RNF180: variants seen among roughly 807,000 people sequenced by gnomAD.
RNF180 encodes ring finger protein 180, also known as E3 ubiquitin-protein ligase RNF180.
Under a neutral mutation model 59.2 loss-of-function variants are expected in RNF180, and 38 were observed. The ratio of observed to expected loss-of-function variants is 0.64; its 90% CI spans 0.50 to 0.84. The LOEUF (loss-of-function observed/expected upper bound fraction) is 0.84. Ranked by LOEUF, RNF180 falls within the 40% of genes least tolerant of loss-of-function variation. The probability of loss-of-function intolerance (pLI) is 0.00; values close to 1 mark genes in which losing one functional copy is unlikely to be tolerated. For missense variants in RNF180, 705 were observed against 700.9 expected (o/e 1.01, Z -0.07); for synonymous variants, 262 against 240.3 (o/e 1.09, Z -0.84).
At chr5:64,218,362 AGTT>A (rs1752745208) in intron 5 of RNF180, among the ~76,000 whole-genome samples, 1 of 152,192 alleles carries the variant, frequency 6.6e-6, no homozygotes, top group Admixed American at 6.5e-5. Context: ...TTTCAGCACC[AGTT>A]GTTGAAAACA....
At chr5:64,226,073 AGTG>A (rs1434702438) in intron 5 of RNF180, among the ~76,000 whole-genome samples, 10 of 139,914 alleles carry the variant, frequency 7.1e-5, no homozygotes, top group South Asian at 4.7e-4. Flanking sequence ...CCATCTGGGA[AGTG>A]AGGAGCGCCT....
intron 5 of RNF180, among the ~76,000 whole-genome samples, chr5:64,256,505 T>C (rs1255148043): frequency 6.6e-6 from 1 of 152,186 alleles, no homozygotes; most frequent in African/African-American, 2.4e-5. Flanking sequence ...AAAGATCAGA[T>C]GGTTGTAGGT....
chr5:64,199,498 T>C (rs1158067223), intron 1 of RNF180, among the ~76,000 whole-genome samples: 1 of 152,214 alleles, frequency 6.6e-6, no homozygotes, highest in Non-Finnish European at 1.5e-5. Flanking sequence ...ACTGTTCTTT[T>C]AAAGCTTCCC....
At chr5:64,247,610 G>A (rs1477609709) in intron 5 of RNF180, among the ~76,000 whole-genome samples, 1 of 152,144 alleles carries the variant, frequency 6.6e-6, no homozygotes, top group Non-Finnish European at 1.5e-5. Flanking sequence ...ACATAAGAGA[G>A]GACACAAACA....
chr5:64,319,166 CTGT>C (rs964122637), intron 5 of RNF180, among the ~76,000 whole-genome samples: 22 of 143,176 alleles, frequency 1.5e-4, no homozygotes, highest in Non-Finnish European at 2.9e-4. Flanking sequence ...GAACCTAAAA[CTGT>C]TGTTTAAAAA....
At chr5:64,311,453 T>C (rs142225990) in intron 5 of RNF180, among the ~76,000 whole-genome samples, 1 of 151,642 alleles carries the variant, frequency 6.6e-6, no homozygotes, top group Non-Finnish European at 1.5e-5. Flanking sequence ...GGAAAAAAAA[T>C]AGATGGAGAT....
intron 5 of RNF180, among the ~76,000 whole-genome samples, chr5:64,268,411 GA>G (rs1348467337): frequency 4.6e-5 from 7 of 151,944 alleles, no homozygotes; most frequent in Non-Finnish European, 4.4e-5. Context: ...TCAAATAAAT[GA>G]AAAAGAGATA....
chr5:64,365,657 G>C (rs1316983327), intron 7 of RNF180, among the ~76,000 whole-genome samples: 1 of 151,418 alleles, frequency 6.6e-6, no homozygotes, highest in African/African-American at 2.4e-5. Context: ...TATGAATCTG[G>C]GTGCTCTTGT....
intron 5 of RNF180, among the ~76,000 whole-genome samples, chr5:64,239,343 G>T (rs1351536386): frequency 6.6e-6 from 1 of 152,042 alleles, no homozygotes. Context: ...GAGAATCATT[G>T]CTTTCAGCTG....
chr5:64,288,312 A>G (rs923958672), intron 5 of RNF180, among the ~76,000 whole-genome samples: 1 of 152,144 alleles, frequency 6.6e-6, no homozygotes, highest in African/African-American at 2.4e-5. Context: ...GCCTTGTAGT[A>G]TAGTTTGAAG....
At chr5:64,196,598 G>A (rs151062755) in intron 1 of RNF180, among the ~76,000 whole-genome samples, 1 of 151,988 alleles carries the variant, frequency 6.6e-6, no homozygotes, top group Non-Finnish European at 1.5e-5. Context: ...AATCTTACTT[G>A]GTCAAAATGT....
intron 2 of RNF180, among the ~76,000 whole-genome samples, chr5:64,206,431 C>T (rs947798814): frequency 5.3e-5 from 8 of 152,026 alleles, no homozygotes; most frequent in African/African-American, 1.9e-4. Context: ...GAGTATATAC[C>T]TCCTCCCTCA....
intron 5 of RNF180, among the ~76,000 whole-genome samples, chr5:64,242,737 T>C (rs911343917): frequency 2.0e-5 from 3 of 152,214 alleles, no homozygotes; most frequent in African/African-American, 7.2e-5. Flanking sequence ...TCGAATCAGA[T>C]TCAATCCAAG....
rs577172318 is a variant in RNF180 at position 64,177,466 on chromosome 5, A to G, written c.-1+11513A>G. On this transcript the variant is annotated intron_variant, in intron 1 of 7. Transcript: ENST00000389100. ...TATTTTCTGTGTTCTCAATTATTTT[A>G]CTTATTTTGGCCATGAACTTGTTCT... 2.8e-5 allele frequency among the ~76,000 whole-genome samples: 4 copies of G among 140,750 alleles called. No individual in the cohort carries two copies. The Admixed American group carries it at 2.9e-4, about 10-fold the overall frequency. The allele number at this position is 140,750 out of a possible 152,430, so 92.3% of individuals were successfully genotyped here.
At chr5:64,337,672 A>C (rs2112556045) in intron 7 of RNF180, among the ~76,000 whole-genome samples, 5 of 95,168 alleles carry the variant, frequency 5.3e-5, no homozygotes, top group Admixed American at 1.3e-4. Flanking sequence ...CCACCCCACA[A>C]CAGTCCCCAG....
intron 5 of RNF180, among the ~76,000 whole-genome samples, chr5:64,287,886 C>T (rs1742369554): frequency 6.6e-6 from 1 of 152,132 alleles, no homozygotes; most frequent in Admixed American, 6.5e-5. Flanking sequence ...TTTTTGTGTG[C>T]AGAAGCTCCT....
chr5:64,349,135 G>C lies in RNF180; in HGVS notation c.1579+18729G>C, dbSNP rs778674255. On this transcript the variant is annotated intron_variant, in intron 7 of 7. Coordinates refer to ENST00000389100, the MANE Select transcript of RNF180 (RefSeq NM_001113561.2). ...CCAAATCAACACTGCTGAACATTTA[G>C]CATACATAACCAGAAGTAAATCCTC... Among the ~76,000 whole-genome samples the C allele has an allele frequency of 2.0e-5, 3 of 152,020 alleles. No individual in the cohort carries two copies. The East Asian group carries it at 5.8e-4, about 29-fold the overall frequency.
intron 7 of RNF180, among the ~76,000 whole-genome samples, chr5:64,347,480 A>C (rs1561274525): frequency 6.6e-6 from 1 of 152,270 alleles, no homozygotes; most frequent in East Asian, 1.9e-4. Context: ...TAATGATCAG[A>C]AGACAAGCTT....
chr5:64,322,862 G>A (rs1017190021), intron 5 of RNF180, among the ~76,000 whole-genome samples: 11 of 151,960 alleles, frequency 7.2e-5, no homozygotes, highest in African/African-American at 2.4e-4. Context: ...GGGAGTGAGG[G>A]ATAAAACTGG....
Sources: gnomAD v4.1 joint callset for allele counts (sites outside exome capture counted in the v4.1 genomes callset) on GRCh38, gnomAD v4.1.1 for gene constraint, MANE v1.5 for transcripts, NCBI Gene and HGNC (gene_info 2026-07-23, HGNC 2026-07-21) for gene names.